Variants in GALNTL6 observed in about 807,000 individuals in gnomAD.
GALNTL6 encodes polypeptide N-acetylgalactosaminyltransferase like 6.
Under a neutral mutation model 73.7 loss-of-function variants are expected in GALNTL6, and 46 were observed. The ratio of observed to expected loss-of-function variants is 0.62; its 90% CI spans 0.49 to 0.80. The LOEUF is 0.80. Ranked by LOEUF, GALNTL6 falls within the 30% of genes least tolerant of loss-of-function variation. GALNTL6 has a pLI of 0.00. For missense variants in GALNTL6, 604 were observed against 755.0 expected, an observed-to-expected ratio of 0.80 and a Z score of 2.34; for synonymous variants, 259 against 263.7, an observed-to-expected ratio of 0.98 and a Z score of 0.17.
chr4:172,297,308 C>T (rs1344534222), intron 3 of GALNTL6, among the ~76,000 whole-genome samples: 2 of 152,104 alleles, frequency 1.3e-5, no homozygotes, highest in Non-Finnish European at 2.9e-5. Context: ...TGTAGGTTGC[C>T]TGTTCACTCT....
chr4:172,717,833 C>T (rs12513314), intron 5 of GALNTL6, among the ~76,000 whole-genome samples: 22,050 of 152,084 alleles, frequency 0.14, 1,859 homozygotes, highest in East Asian at 0.25. Context: ...AAAAACCCTA[C>T]GAGACTTTAA....
intron 2 of GALNTL6, among the ~76,000 whole-genome samples, chr4:171,999,416 T>C (rs532453485): frequency 1.3e-5 from 2 of 152,274 alleles, no homozygotes; most frequent in East Asian, 3.9e-4. Context: ...GTTGAAGAGA[T>C]TGGTGTTGAA....
intron 5 of GALNTL6, among the ~76,000 whole-genome samples, chr4:172,703,837 C>A (rs995223553): frequency 7.9e-5 from 12 of 151,808 alleles, no homozygotes; most frequent in Non-Finnish European, 2.9e-5. Context: ...CTTTTCTTTC[C>A]TGAGAAACTT....
chr4:172,614,376 T>C (rs997899009), intron 5 of GALNTL6, among the ~76,000 whole-genome samples: 1 of 152,166 alleles, frequency 6.6e-6, no homozygotes, highest in African/African-American at 2.4e-5. Context: ...CACTAATTCA[T>C]CAGAGCAGCT....
At chr4:171,945,858 T>A (rs962464700) in intron 2 of GALNTL6, among the ~76,000 whole-genome samples, 1 of 152,174 alleles carries the variant, frequency 6.6e-6, no homozygotes, top group African/African-American at 2.4e-5. Flanking sequence ...TATATAGTTA[T>A]GAAACTTGTT....
At chr4:172,189,227 A>C (rs1403081458) in intron 2 of GALNTL6, among the ~76,000 whole-genome samples, 1 of 152,208 alleles carries the variant, frequency 6.6e-6, no homozygotes. Flanking sequence ...ATATTCCTGA[A>C]TTAAATTTAA....
chr4:172,129,016 A>G (rs1487876130), intron 2 of GALNTL6, among the ~76,000 whole-genome samples: 1 of 152,172 alleles, frequency 6.6e-6, no homozygotes, highest in Non-Finnish European at 1.5e-5. Context: ...TTGTTTCATC[A>G]TGCTAAGCAA....
At chr4:172,892,919 CT>C (rs1448922225) in intron 8 of GALNTL6, among the ~76,000 whole-genome samples, 2 of 152,226 alleles carry the variant, frequency 1.3e-5, no homozygotes, top group Non-Finnish European at 2.9e-5. Context: ...TACTGGTCCT[CT>C]GAGCTTGGCA....
chr4:172,034,273 C>T (rs1308266201), intron 2 of GALNTL6, among the ~76,000 whole-genome samples: 1 of 152,002 alleles, frequency 6.6e-6, no homozygotes, highest in Non-Finnish European at 1.5e-5. Context: ...CCAACTCAGA[C>T]ACTTTGAGGA....
chr4:172,972,874 T>A (rs1329098163), intron 10 of GALNTL6, among the ~76,000 whole-genome samples: 1 of 152,178 alleles, frequency 6.6e-6, no homozygotes, highest in African/African-American at 2.4e-5. Flanking sequence ...TGATATTTTT[T>A]AAAAGGGAGT....
intron 2 of GALNTL6, among the ~76,000 whole-genome samples, chr4:172,191,982 TC>T (rs60823239): frequency 0.038 from 5,733 of 152,134 alleles, 343 homozygotes; most frequent in African/African-American, 0.13. Context: ...GTTACCTATT[TC>T]TGATTTTTAA....
rs185268749 is a variant in GALNTL6, at chr4:172,368,410, A to G, written c.553+19721A>G. Among the ~76,000 whole-genome samples the G allele has an allele frequency of 2.8e-3, 420 of 152,274 alleles. 3 individuals are homozygous for G. The highest frequency in any genetic ancestry group is 4.4e-3 in the Non-Finnish European group (302 of 68,022). ...CAAATAACAACAACAAAAAAAAACA[A>G]AATAATAGTAGAATGTTATCCAGAA... is the stretch of plus-strand genomic sequence containing the variant. On this transcript the variant is annotated intron_variant, in intron 5 of 12. Transcript: ENST00000506823.
intron 2 of GALNTL6, among the ~76,000 whole-genome samples, chr4:172,074,564 C>T (rs188115250): frequency 2.0e-5 from 3 of 148,840 alleles, no homozygotes; most frequent in Non-Finnish European, 3.0e-5. Flanking sequence ...TTTTTTTTAA[C>T]ATTGGTTACA....
chr4:172,652,562 T>C (rs540700769), intron 5 of GALNTL6, among the ~76,000 whole-genome samples: 1 of 152,274 alleles, frequency 6.6e-6, no homozygotes, highest in Non-Finnish European at 1.5e-5. Flanking sequence ...AGGCATGCCC[T>C]AGATCAGGCA....
At chr4:173,022,189 GAGGAAGGAAGGAAGGAAGGA>G (rs35151291) in intron 12 of GALNTL6, among the ~76,000 whole-genome samples, 11,567 of 134,304 alleles carry the variant, frequency 0.086, 927 homozygotes, top group African/African-American at 0.22. Flanking sequence ...GGGAGGGAGG[GAGGAAGGAAGGAAGGAAGGA>G]AGGAAGGAAG....
At chr4:172,224,623 C>G (rs1468701381) in intron 2 of GALNTL6, among the ~76,000 whole-genome samples, 1 of 152,050 alleles carries the variant, frequency 6.6e-6, no homozygotes, top group Non-Finnish European at 1.5e-5. Flanking sequence ...ACCAACAGCC[C>G]TTGGGAGGTG....
intron 7 of GALNTL6, among the ~76,000 whole-genome samples, chr4:172,831,820 C>T (rs1742655955): frequency 6.6e-6 from 1 of 152,180 alleles, no homozygotes; most frequent in Admixed American, 6.5e-5. Flanking sequence ...AATAAAGAGA[C>T]CAGAGTTCAC....
At chr4:172,523,078 C>G (rs1734837941) in intron 5 of GALNTL6, among the ~76,000 whole-genome samples, 1 of 152,130 alleles carries the variant, frequency 6.6e-6, no homozygotes, top group African/African-American at 2.4e-5. Context: ...CATTTTGTCT[C>G]TTTGTTGGAT....
At chr4:171,906,998 A>C (rs943287252) in intron 2 of GALNTL6, among the ~76,000 whole-genome samples, 1 of 152,124 alleles carries the variant, frequency 6.6e-6, no homozygotes, top group African/African-American at 2.4e-5. Context: ...CGTATTTCAA[A>C]ATAATAAGAG....
Sources: allele counts gnomAD v4.1 joint callset (sites outside exome capture counted in the v4.1 genomes callset), GRCh38; gene constraint gnomAD v4.1.1; transcripts MANE v1.5; gene names NCBI Gene and HGNC (gene_info 2026-07-23, HGNC 2026-07-21).